PTPN13: variants seen among roughly 807,000 people sequenced by gnomAD.
The protein encoded by PTPN13 is tyrosine-protein phosphatase non-receptor type 13.
In PTPN13, 191 loss-of-function variants were observed where a neutral mutation model predicts 284.0. The observed-to-expected ratio is 0.67, with a 90% CI of 0.60 to 0.76. The LOEUF is 0.76. PTPN13 is among the 30% of genes least tolerant of loss of function. The pLI is 0.00. For synonymous variants in PTPN13, 986 were observed against 1,022.3 expected (o/e 0.96, Z 0.68); for missense variants, 2,797 against 2,939.9 (o/e 0.95, Z 1.12).
intron 40 of PTPN13, among the ~76,000 whole-genome samples, chr4:86,792,334 A>G (rs935855779): frequency 3.3e-5 from 5 of 152,352 alleles, no homozygotes; most frequent in Middle Eastern, 3.4e-3. Flanking sequence ...AAATGAACAA[A>G]TGCTCTTAGA....
At chr4:86,688,154 A>C (rs1324920988) in intron 4 of PTPN13, among the ~76,000 whole-genome samples, 1 of 152,132 alleles carries the variant, frequency 6.6e-6, no homozygotes, top group Non-Finnish European at 1.5e-5. Flanking sequence ...AGGACATTGC[A>C]TCTAAGCTAA....
At chr4:86,736,744 G>A (rs140269700) in intron 15 of PTPN13, among the ~76,000 whole-genome samples, 47 of 152,302 alleles carry the variant, frequency 3.1e-4, no homozygotes, top group Non-Finnish European at 5.9e-4. Context: ...AGACAGTCTT[G>A]CATTTGAATT....
At chr4:86,672,605 A>G (rs1174406156) in intron 3 of PTPN13, 62 bp downstream of exon 3, 5 of 1,286,294 alleles carry the variant, frequency 3.9e-6, no homozygotes, top group East Asian at 2.6e-5. Context: ...AATAAAGACA[A>G]TGGGCTACCA....
chr4:86,792,407 G>A (rs1188409529), intron 40 of PTPN13, among the ~76,000 whole-genome samples: 3 of 152,214 alleles, frequency 2.0e-5, no homozygotes, highest in African/African-American at 7.2e-5. Context: ...AGGACAGGCA[G>A]AATGGAACCA....
At chr4:86,805,514 G>C in intron 44 of PTPN13, 145 bp downstream of exon 44, 1 of 458,486 alleles carries the variant, frequency 2.2e-6, no homozygotes, top group Non-Finnish European at 3.9e-6. Flanking sequence ...CAAATACATT[G>C]AAATATTCCG....
chr4:86,698,977 A>G (rs1730852163), intron 6 of PTPN13, among the ~76,000 whole-genome samples: 1 of 152,222 alleles, frequency 6.6e-6, no homozygotes. Flanking sequence ...GCAACAGAGA[A>G]TTAACGAAAG....
intron 10 of PTPN13, among the ~76,000 whole-genome samples, chr4:86,731,398 C>T (rs10028357): frequency 6.6e-6 from 1 of 152,156 alleles, no homozygotes; most frequent in Non-Finnish European, 1.5e-5. Flanking sequence ...TTGAGAAGCA[C>T]TAAATACAGA....
At chr4:86,735,312 G>A (rs990557640) in intron 14 of PTPN13, among the ~76,000 whole-genome samples, 4 of 152,200 alleles carry the variant, frequency 2.6e-5, no homozygotes, top group African/African-American at 9.6e-5. Flanking sequence ...GCTAGAAGCT[G>A]TGCTGCTGGA....
chr4:86,608,176 A>T (rs1358437987), intron 1 of PTPN13, among the ~76,000 whole-genome samples: 2 of 152,100 alleles, frequency 1.3e-5, no homozygotes, highest in African/African-American at 2.4e-5. Flanking sequence ...TTCATTTAAA[A>T]AGGCCAGAAA....
At chr4:86,617,214 G>C (rs956957749) in intron 1 of PTPN13, among the ~76,000 whole-genome samples, 7 of 151,850 alleles carry the variant, frequency 4.6e-5, no homozygotes, top group Non-Finnish European at 1.0e-4. Flanking sequence ...AGTTCCCTGT[G>C]GCCATTTAAA....
intron 2 of PTPN13, among the ~76,000 whole-genome samples, chr4:86,638,343 G>A (rs528472762): frequency 5.9e-5 from 9 of 152,182 alleles, no homozygotes; most frequent in African/African-American, 2.2e-4. Context: ...AAGTTCATAT[G>A]GAACCAAAAA....
intron 9 of PTPN13, among the ~76,000 whole-genome samples, chr4:86,721,962 G>C (rs1733719297): frequency 6.6e-6 from 1 of 151,708 alleles, no homozygotes; most frequent in South Asian, 2.1e-4. Context: ...GCCCAGGCTG[G>C]TCTCGAACTC....
At chr4:86,665,795 C>T (rs1453165562) in intron 2 of PTPN13, among the ~76,000 whole-genome samples, 1 of 152,166 alleles carries the variant, frequency 6.6e-6, no homozygotes, top group East Asian at 1.9e-4. Context: ...AACTACAGTA[C>T]TTGTCATGGA....
chr4:86,797,078 GC>G, intron 41 of PTPN13, 149 bp downstream of exon 41: 1 of 591,030 alleles, frequency 1.7e-6, no homozygotes, highest in Non-Finnish European at 2.8e-6. Context: ...AAATTTTCGG[GC>G]CAGGTGCGGT....
chr4:86,612,217 T>G (rs1170105976), intron 1 of PTPN13, among the ~76,000 whole-genome samples: 4 of 152,180 alleles, frequency 2.6e-5, no homozygotes, highest in Non-Finnish European at 5.9e-5. Flanking sequence ...ATTTATGATA[T>G]ATAGCATCCG....
chr4:86,814,547 A>C lies in PTPN13; in HGVS notation c.7454A>C (p.Lys2485Thr). 6.2e-7 allele frequency: 1 copy of C among 1,608,384 alleles called. No individual in the cohort carries two copies. The highest frequency in any genetic ancestry group is 2.2e-5 in the East Asian group (1 of 44,772). ...EEQKQQPQLL[K>T] ...CAAAAACAGCAGCCTCAGCTTCTGA[A>C]GTGACATGAAAAGAGCCTCTGGATG... Residue 2485 changes from lysine to threonine, a missense_variant, in exon 48 of 48, where the codon AAG (lysine) becomes ACG (threonine). Transcript: ENST00000411767.
At chr4:86,675,696 A>G (rs1323885741) in intron 3 of PTPN13, among the ~76,000 whole-genome samples, 1 of 152,166 alleles carries the variant, frequency 6.6e-6, no homozygotes, top group Non-Finnish European at 1.5e-5. Flanking sequence ...ACTTTTCAAG[A>G]TAACATCCCT....
intron 17 of PTPN13, among the ~76,000 whole-genome samples, chr4:86,745,768 T>G (rs1359169013): frequency 6.6e-6 from 1 of 151,706 alleles, no homozygotes; most frequent in Non-Finnish European, 1.5e-5. Flanking sequence ...AGTGCGAGAC[T>G]CTGTCTCAAA....
chr4:86,795,394 T>C (rs748674178), intron 40 of PTPN13, among the ~76,000 whole-genome samples: 6 of 152,108 alleles, frequency 3.9e-5, no homozygotes, highest in Admixed American at 1.3e-4. Flanking sequence ...AAACAACAGA[T>C]GCTGGAGAGG....
Sources: gnomAD v4.1 joint callset for allele counts (sites outside exome capture counted in the v4.1 genomes callset) on GRCh38, gnomAD v4.1.1 for gene constraint, MANE v1.5 for transcripts, NCBI Gene and HGNC (gene_info 2026-07-23, HGNC 2026-07-21) for gene names.